The following BBS5 variants were observed in gnomAD, a reference collection of about 807,000 sequenced individuals.
BBS5 encodes Bardet-Biedl syndrome 5, also known as BBSome complex member BBS5.
Under a neutral mutation model 50.2 loss-of-function variants are expected in BBS5, and 39 were observed. That is an observed-to-expected ratio of 0.78 (90% CI 0.60 to 1.01). The LOEUF is 1.01. BBS5 is among the 50% of genes least tolerant of loss of function. BBS5 has a pLI of 0.00. For missense variants in BBS5, 356 were observed against 401.5 expected, an observed-to-expected ratio of 0.89 and a Z score of 0.97; for synonymous variants, 134 against 133.1, an observed-to-expected ratio of 1.01 and a Z score of -0.05.
intron 2 of BBS5, among the ~76,000 whole-genome samples, chr2:169,483,656 G>A (rs184850028): frequency 1.3e-5 from 2 of 152,078 alleles, no homozygotes; most frequent in Non-Finnish European, 2.9e-5. Context: ...AGAGGTGAGG[G>A]CAGTTCCCCT....
At chr2:169,498,837 A>G (rs1467591670) in intron 8 of BBS5, among the ~76,000 whole-genome samples, 1 of 151,768 alleles carries the variant, frequency 6.6e-6, no homozygotes, top group East Asian at 1.9e-4. Context: ...AAGGAAGGTT[A>G]AGGAAAGTTT....
intron 2 of BBS5, among the ~76,000 whole-genome samples, chr2:169,483,525 A>G (rs1338556638): frequency 6.6e-6 from 1 of 152,186 alleles, no homozygotes; most frequent in Non-Finnish European, 1.5e-5. Flanking sequence ...GCAAGTAGGT[A>G]TAGTGGTAGC....
At chr2:169,486,608 G>T (rs1014189568) in intron 2 of BBS5, among the ~76,000 whole-genome samples, 1 of 152,140 alleles carries the variant, frequency 6.6e-6, no homozygotes, top group Non-Finnish European at 1.5e-5. Flanking sequence ...TAAATATATG[G>T]TTCATTTAAA....
rs1444309554 is a variant in BBS5 at position 169,497,531 on chromosome 2, A to T, written c.619-96A>T. On this transcript the variant is annotated intron_variant, in intron 7 of 11. Transcript: ENST00000295240. Reference sequence around the variant, plus strand: ...GGAGAATTCTGTTCTTTAGACTATGAAAAGTAAATACTGTGTAAAGTTTAA... The same window carrying T: ...GGAGAATTCTGTTCTTTAGACTATGTAAAGTAAATACTGTGTAAAGTTTAA... 1.0e-5 allele frequency: 8 copies of T among 773,106 alleles called. No individual in the cohort carries two copies. The East Asian group carries it at 1.7e-4, about 17-fold the overall frequency. 47.9% of individuals were successfully genotyped at this position (773,106 alleles called of 1,614,324 possible). A position where few individuals can be genotyped will look rare whatever the true frequency, so the allele number is the denominator to read the frequency against.
intron 9 of BBS5, among the ~76,000 whole-genome samples, chr2:169,501,610 G>A (rs990296730): frequency 6.6e-6 from 1 of 152,018 alleles, no homozygotes; most frequent in African/African-American, 2.4e-5. Flanking sequence ...AGGTGTGGTG[G>A]TGCCGGCCTG....
In BBS5 at chr2:169,505,349, A is replaced by G; in HGVS notation, c.*767A>G. Reference sequence around the variant, plus strand: ...GCCTGCCTTGGCCTCCCGAAGTGCCAAGAGTGCAGCCTCTGCCCGGCCGCC... The same window carrying G: ...GCCTGCCTTGGCCTCCCGAAGTGCCGAGAGTGCAGCCTCTGCCCGGCCGCC... On this transcript the variant is annotated 3_prime_UTR_variant, in exon 12 of 12. Transcript: ENST00000295240. 2 of 363,890 alleles carry G rather than the reference A, an allele frequency of 5.5e-6. No individual in the cohort carries two copies. The highest frequency in any genetic ancestry group is 7.7e-5 in the East Asian group (1 of 12,972). 22.5% of individuals were successfully genotyped at this position (363,890 alleles called of 1,614,324 possible).
intron 8 of BBS5, 29 bp from the exon 9 acceptor site, chr2:169,499,457 G>GT (rs369633086): frequency 3.3e-4 from 523 of 1,562,916 alleles, no homozygotes; most frequent in East Asian, 2.2e-3. Flanking sequence ...GACTTGTTGG[G>GT]TTTTTTTTTA....
intron 9 of BBS5, among the ~76,000 whole-genome samples, chr2:169,501,341 C>T (rs1194637729): frequency 4.6e-5 from 7 of 152,120 alleles, no homozygotes; most frequent in African/African-American, 9.7e-5. Flanking sequence ...AATAATGTTG[C>T]AGAACAAGCA....
At position 169,492,825 on chromosome 2, in the gene BBS5, A is replaced by G. The variant is rs768902762; in HGVS notation, c.387-49A>G. 8 of 1,554,402 alleles carry G rather than the reference A, an allele frequency of 5.1e-6. No homozygotes were observed. In the African/African-American group the frequency reaches 1.1e-4, roughly 21 times the overall value. ...TTTTAGTAAGTAAACATAACCCAAG[A>G]AAATCACATTTTCAGTTTGAGTTGT... is the stretch of plus-strand genomic sequence containing the variant. On this transcript the variant is annotated intron_variant, in intron 5 of 11. Transcript: ENST00000295240.
chr2:169,493,003 T>C lies in BBS5; in HGVS notation c.516T>C (p.Ser172=), dbSNP rs758562179. 21 of 1,613,546 alleles carry C rather than the reference T, an allele frequency of 1.3e-5. No individual in the cohort carries two copies. The Admixed American group carries it at 3.3e-4, about 26-fold the overall frequency. Residue 172 remains serine, a synonymous_variant, in exon 6 of 12, where the codon AGT becomes AGC. Coordinates refer to ENST00000295240, the MANE Select transcript of BBS5 (RefSeq NM_152384.3). ...DKINGVWNLS[S]DQGNLGTFFI... is the part of the protein sequence containing the mutation. The stretch of plus-strand genomic sequence containing the variant: ...TAAATGGAGTTTGGAATTTATCCAG[T>C]GATCAGGTATTGTGCAAAGAGCTAG...
intron 9 of BBS5, among the ~76,000 whole-genome samples, chr2:169,502,212 A>G (rs1372318162): frequency 1.3e-5 from 2 of 152,186 alleles, no homozygotes; most frequent in African/African-American, 2.4e-5. Context: ...TGTGTTAAAC[A>G]TCTGCTGTTT....
intron 8 of BBS5, 80 bp from the exon 9 acceptor site, chr2:169,499,406 T>G: frequency 7.1e-7 from 1 of 1,401,980 alleles, no homozygotes; most frequent in Non-Finnish European, 9.9e-7. Flanking sequence ...TAAGGACAAA[T>G]TGAGCTATAA....
chr2:169,499,379 C>A, intron 8 of BBS5, 107 bp from the exon 9 acceptor site: 9 of 1,170,528 alleles, frequency 7.7e-6, no homozygotes, highest in South Asian at 5.7e-5. Flanking sequence ...AATGAACTTA[C>A]GTATTATGCT....
intron 9 of BBS5, among the ~76,000 whole-genome samples, chr2:169,499,883 C>A (rs1054387404): frequency 6.6e-6 from 1 of 152,174 alleles, no homozygotes; most frequent in Non-Finnish European, 1.5e-5. Context: ...TTTCCATGTG[C>A]AGTGCTCCTC....
At position 169,504,751 on chromosome 2, in the gene BBS5, C is replaced by A. The variant is rs556433938; in HGVS notation, c.*169C>A. 2.3e-6 allele frequency: 3 copies of A among 1,318,518 alleles called. No individual in the cohort carries two copies. In the Admixed American group the frequency reaches 6.7e-5, roughly 30 times the overall value. The allele number at this position is 1,318,518 out of a possible 1,614,324, so 81.7% of individuals were successfully genotyped here. On this transcript the variant is annotated 3_prime_UTR_variant, in exon 12 of 12. Coordinates refer to ENST00000295240, the MANE Select transcript of BBS5 (RefSeq NM_152384.3). Reference sequence around the variant, plus strand: ...AAGTCATTTAGAAAACTTCAGTTTTCGGCCAGCGCGTCGAGGGAGGGGCCA... The same window carrying A: ...AAGTCATTTAGAAAACTTCAGTTTTAGGCCAGCGCGTCGAGGGAGGGGCCA...
At chr2:169,499,415 A>T in intron 8 of BBS5, 71 bp from the exon 9 acceptor site, 1 of 1,456,428 alleles carries the variant, frequency 6.9e-7, no homozygotes, top group East Asian at 2.3e-5. Context: ...ATTGAGCTAT[A>T]ATTTATCTTA....
chr2:169,503,948 G>A (rs1246126853), intron 10 of BBS5, among the ~76,000 whole-genome samples: 1 of 152,068 alleles, frequency 6.6e-6, no homozygotes, highest in African/African-American at 2.4e-5. Context: ...CCAAATGTAG[G>A]GAAGAAATTG....
chr2:169,488,585 A>G (rs1487977866), intron 5 of BBS5, among the ~76,000 whole-genome samples: 1 of 152,230 alleles, frequency 6.6e-6, no homozygotes. Flanking sequence ...CCTGGTTCCT[A>G]ACAGGCCACT....
At chr2:169,485,744 G>C (rs1280390449) in intron 2 of BBS5, among the ~76,000 whole-genome samples, 2 of 152,132 alleles carry the variant, frequency 1.3e-5, no homozygotes, top group South Asian at 2.1e-4. Context: ...TACATCTAAG[G>C]GTTCCTTGTA....
Sources: allele counts gnomAD v4.1 joint callset (sites outside exome capture counted in the v4.1 genomes callset), GRCh38; gene constraint gnomAD v4.1.1; transcripts MANE v1.5; gene names NCBI Gene and HGNC (gene_info 2026-07-23, HGNC 2026-07-21).